The following PTPRZ1 variants were observed in gnomAD, a reference collection of about 807,000 sequenced individuals.
The protein encoded by PTPRZ1 is protein tyrosine phosphatase receptor type Z1.
A neutral mutation model predicts 214.1 loss-of-function variants in PTPRZ1; 82 were observed. The observed-to-expected ratio is 0.38, with a 90% CI of 0.32 to 0.46. PTPRZ1 has a LOEUF of 0.46. Among genes scored for constraint, PTPRZ1 ranks in the 20% least tolerant of loss-of-function variants. The pLI is 1.00. For missense variants in PTPRZ1, 2,603 were observed against 2,748.7 expected (o/e 0.95, Z 1.19); for synonymous variants, 945 against 987.9 (o/e 0.96, Z 0.81).
chr7:121,877,235 A>G (rs978190041), intron 1 of PTPRZ1, among the ~76,000 whole-genome samples: 1 of 152,198 alleles, frequency 6.6e-6, no homozygotes. Context: ...GAGAACTCAG[A>G]TAAGTTGCCT....
At position 121,873,203 on chromosome 7, in the gene PTPRZ1, A is replaced by G; in HGVS notation, c.-297A>G. On this transcript the variant is annotated 5_prime_UTR_variant, in exon 1 of 30. Coordinates refer to ENST00000393386, the MANE Select transcript of PTPRZ1 (RefSeq NM_002851.3). Reference sequence around the variant, plus strand: ...GCCGGCGAAAGAGGCAAAGTCCCGCACGCCGGAGGACATGCGCCTCGGCTA... The same window carrying G: ...GCCGGCGAAAGAGGCAAAGTCCCGCGCGCCGGAGGACATGCGCCTCGGCTA... 2.4e-6 allele frequency: 1 copy of G among 421,784 alleles called. No homozygotes were observed. The highest frequency in any genetic ancestry group is 4.2e-6 in the Non-Finnish European group (1 of 239,954). The allele number at this position is 421,784 out of a possible 1,614,324, so 26.1% of individuals were successfully genotyped here.
chr7:121,884,321 C>T (rs1426603877), intron 1 of PTPRZ1, among the ~76,000 whole-genome samples: 1 of 152,006 alleles, frequency 6.6e-6, no homozygotes, highest in East Asian at 1.9e-4. Flanking sequence ...TCTATATACA[C>T]ACCTAAATAA....
Position 122,012,797 on chromosome 7 carries a change from C to T in PTPRZ1, c.3751C>T (p.His1251Tyr), listed in dbSNP as rs1478446884. The T allele has an allele frequency of 6.2e-7, 1 of 1,611,364 alleles. No homozygotes were observed. Residue 1251 changes from histidine (H) to tyrosine (Y), a missense_variant, in exon 12 of 30, where the codon CAT becomes TAT. By Grantham distance (83) the His-to-Tyr change is moderately conservative. Coordinates refer to ENST00000393386, the MANE Select transcript of PTPRZ1 (RefSeq NM_002851.3). ...AGTTTTTGATGTGTCGCCTACTTCTCATATGCACTCTGCTTCACTTCAAGG... is the reference window on the plus strand; with the variant it reads ...AGTTTTTGATGTGTCGCCTACTTCTTATATGCACTCTGCTTCACTTCAAGG... ...VPVFDVSPTSHMHSASLQGLT... is the reference protein window; with the variant it reads ...VPVFDVSPTSYMHSASLQGLT...
At chr7:121,976,991 C>A in intron 6 of PTPRZ1, 140 bp downstream of exon 6, 1 of 542,378 alleles carries the variant, frequency 1.8e-6, no homozygotes, top group South Asian at 4.8e-5. Flanking sequence ...ACTTTCCACA[C>A]TTGATAATTT....
At chr7:122,053,535 A>G (rs796461320) in intron 25 of PTPRZ1, among the ~76,000 whole-genome samples, 16 of 152,308 alleles carry the variant, frequency 1.1e-4, no homozygotes, top group African/African-American at 3.6e-4. Flanking sequence ...CCAAGGCAAC[A>G]TAAAAATCAT....
rs1798749770 is a variant in PTPRZ1 at position 122,013,593 on chromosome 7, A to G, written c.4547A>G (p.Asn1516Ser). Residue 1516 changes from asparagine (N) to serine (S), a missense_variant, in exon 12 of 30, where the codon AAT becomes AGT. Coordinates refer to ENST00000393386, the MANE Select transcript of PTPRZ1 (RefSeq NM_002851.3). Reference protein sequence around the residue: ...PSANGLSQKHNDGKEENDIQT... With the variant: ...PSANGLSQKHSDGKEENDIQT... ...GCAAATGGGCTATCCCAAAAGCACA[A>G]TGATGGAAAAGAGGAAAATGACATT... 9 of 1,614,204 alleles carry G rather than the reference A, an allele frequency of 5.6e-6. No individual in the cohort carries two copies. Among genetic ancestry groups the G allele is most frequent in the Non-Finnish European group, 5.9e-6 (7 of 1,180,004 alleles).
chr7:122,054,105 G>A (rs1018395948), intron 26 of PTPRZ1, 67 bp downstream of exon 26: 15 of 1,541,282 alleles, frequency 9.7e-6, no homozygotes, highest in Non-Finnish European at 6.2e-6. Context: ...ACAGCAAAAA[G>A]TCCAGCATAC....
intron 4 of PTPRZ1, among the ~76,000 whole-genome samples, chr7:121,972,908 G>C (rs183340636): frequency 7.0e-6 from 1 of 143,266 alleles, no homozygotes; most frequent in African/African-American, 2.7e-5. Flanking sequence ...CCACAAAATG[G>C]TAATCAATAA....
chr7:122,046,712 G>C lies in PTPRZ1; in HGVS notation c.6084+2144G>C, dbSNP rs369504264. On this transcript the variant is annotated intron_variant, in intron 23 of 29. Transcript: ENST00000393386. Reference sequence around the variant, plus strand: ...AGGTGGTACATGCTTGAGAGGTGTGGTGAGGGAGAAGACGTGAGATATTTC... The same window carrying C: ...AGGTGGTACATGCTTGAGAGGTGTGCTGAGGGAGAAGACGTGAGATATTTC... 2.5e-4 allele frequency among the ~76,000 whole-genome samples: 38 copies of C among 152,188 alleles called. 1 individual carries two copies. The East Asian group carries it at 4.8e-3, about 19-fold the overall frequency.
rs1793946200 is a variant in PTPRZ1, at chr7:121,873,458, A to C, written c.-42A>C. 6.2e-7 allele frequency: 1 copy of C among 1,605,818 alleles called. No homozygotes were observed. The stretch of plus-strand genomic sequence containing the variant: ...CTCCCCCTCCCTCTCCACTCTGAGA[A>C]GCAGAGGAGCCGCACGGCGAGGGGC... On this transcript the variant is annotated 5_prime_UTR_variant, in exon 1 of 30. Transcript: ENST00000393386.
In PTPRZ1 at chr7:122,010,999, T is replaced by C; in HGVS notation, c.1953T>C (p.Asn651=). The change falls in exon 12 of 30, where the codon AAT becomes AAC. Residue 651 remains asparagine (N), a synonymous_variant. Coordinates refer to ENST00000393386, the MANE Select transcript of PTPRZ1 (RefSeq NM_002851.3). ...TAAAGGATCCTTCTATGGAGGGAAA[T>C]GTGTGGTTTCCTAGCTCTACAGACA... ...ESLKDPSMEG[N]VWFPSSTDIT... is the part of the protein sequence containing the mutation. The C allele has an allele frequency of 6.2e-7, 1 of 1,614,126 alleles. No homozygotes were observed. The highest frequency in any genetic ancestry group is 8.5e-7 in the Non-Finnish European group (1 of 1,180,012).
chr7:121,928,069 T>G (rs1795816073), intron 1 of PTPRZ1, 87 bp from the exon 2 acceptor site: 1 of 929,942 alleles, frequency 1.1e-6, no homozygotes, highest in Non-Finnish European at 1.8e-6. Context: ...AATCAAGAAC[T>G]ATTTATGGTA....
chr7:121,893,868 A>G (rs1008781854), intron 1 of PTPRZ1, among the ~76,000 whole-genome samples: 1 of 152,134 alleles, frequency 6.6e-6, no homozygotes, highest in South Asian at 2.1e-4. Context: ...TATTTTTTCA[A>G]CTGAATATAA....
intron 2 of PTPRZ1, among the ~76,000 whole-genome samples, chr7:121,957,644 C>T (rs1796748284): frequency 6.6e-6 from 1 of 152,172 alleles, no homozygotes; most frequent in African/African-American, 2.4e-5. Flanking sequence ...TGTCTGCCTG[C>T]CCATTTACAT....
chr7:121,993,347 C>T (rs1034540379), intron 8 of PTPRZ1, among the ~76,000 whole-genome samples: 13 of 151,310 alleles, frequency 8.6e-5, no homozygotes, highest in Non-Finnish European at 1.5e-4. Context: ...GTCAGGAGAT[C>T]GAGACCATCC....
At chr7:122,006,825 G>T (rs1173960026) in intron 11 of PTPRZ1, among the ~76,000 whole-genome samples, 1 of 152,132 alleles carries the variant, frequency 6.6e-6, no homozygotes, top group Admixed American at 6.6e-5. Flanking sequence ...ATGATTCACA[G>T]GTGTGGGAAG....
chr7:122,015,095 C>T (rs1798806154), intron 12 of PTPRZ1, among the ~76,000 whole-genome samples: 1 of 152,176 alleles, frequency 6.6e-6, no homozygotes, highest in African/African-American at 2.4e-5. Context: ...ATACAGATGT[C>T]TGCTTTAAAT....
At chr7:122,030,525 A>T (rs1431012059) in intron 14 of PTPRZ1, among the ~76,000 whole-genome samples, 1 of 152,050 alleles carries the variant, frequency 6.6e-6, no homozygotes, top group South Asian at 2.1e-4. Context: ...GTGTTTCTTA[A>T]GCTTGACTGA....
chr7:122,027,654 C>G (rs1799241296), intron 13 of PTPRZ1, among the ~76,000 whole-genome samples: 1 of 152,130 alleles, frequency 6.6e-6, no homozygotes, highest in Admixed American at 6.5e-5. Context: ...GTGTCATTAG[C>G]AGTTTTAATT....
Sources: gnomAD v4.1 joint callset for allele counts (sites outside exome capture counted in the v4.1 genomes callset) on GRCh38, gnomAD v4.1.1 for gene constraint, MANE v1.5 for transcripts, NCBI Gene and HGNC (gene_info 2026-07-23, HGNC 2026-07-21) for gene names.